The following EARS2 variants were observed in gnomAD, a reference collection of about 807,000 sequenced individuals.
EARS2 encodes nondiscriminating glutamyl-tRNA synthetase EARS2, mitochondrial.
EARS2 carries 50 observed loss-of-function variants against 54.1 expected under a neutral mutation model. That is an observed-to-expected ratio of 0.92 (90% CI 0.74 to 1.17). The LOEUF is 1.17. Among genes scored for constraint, EARS2 ranks in the 50% most tolerant of loss-of-function variants. The pLI is 0.00. For synonymous variants in EARS2, 298 were observed against 281.0 expected, an observed-to-expected ratio of 1.06 and a Z score of -0.61; for missense variants, 673 against 675.0, an observed-to-expected ratio of 1.00 and a Z score of 0.03.
chr16:23,534,998 C>G lies in EARS2; in HGVS notation c.848G>C (p.Ser283Thr), dbSNP rs937856191. The change falls in exon 4 of 9, where the codon AGC becomes ACC. Residue 283 changes from serine to threonine, a missense_variant. Coordinates refer to ENST00000449606, the MANE Select transcript of EARS2 (RefSeq NM_001083614.2). ...GTCCCCTTGCCTCTTGGAGAGCTTG[C>G]TGCCATCCCTGTTGAGGAGCAGGGG... The part of the protein sequence containing the change: ...HLPLLLNRDG[S>T]KLSKRQGDVF... 1.2e-6 allele frequency: 2 copies of G among 1,612,784 alleles called. No individual in the cohort carries two copies. The highest frequency in any genetic ancestry group is 1.3e-5 in the African/African-American group (1 of 75,034).
At chr16:23,529,465 G>C in intron 7 of EARS2, 37 bp downstream of exon 7, 2 of 1,602,312 alleles carry the variant, frequency 1.2e-6, no homozygotes, top group South Asian at 1.1e-5. Context: ...GAGGGAAGGA[G>C]GGTGTGGAAC....
chr16:23,535,327 C>T lies in EARS2; in HGVS notation c.519G>A (p.Glu173=), dbSNP rs764060793. 9 of 1,600,910 alleles carry T rather than the reference C, an allele frequency of 5.6e-6. No individual in the cohort carries two copies. In the African/African-American group the frequency reaches 1.1e-4, roughly 19 times the overall value. The change falls in exon 4 of 9, where the codon GAG becomes GAA. Residue 173 remains glutamate, a synonymous_variant. Transcript: ENST00000449606. ...YDNRCRNMSQ[E]QVAQKLAKDP... is the part of the protein sequence containing the mutation. ...CCTTGGCCAGCTTCTGGGCCACCTG[C>T]TCCTGGCTCATGTTCCTGCACCGAT...
At chr16:23,524,531 A>G in intron 8 of EARS2, 77 bp from the exon 9 acceptor site, 10 of 1,312,048 alleles carry the variant, frequency 7.6e-6, no homozygotes, top group Non-Finnish European at 1.1e-5. Flanking sequence ...TAGTCTGCAG[A>G]AATTATTCCC....
Position 23,523,862 on chromosome 16 carries a change from G to C in EARS2, c.*509C>G, listed in dbSNP as rs1965180493. The stretch of plus-strand genomic sequence containing the variant: ...TAGAGATGTGTGTGCATGGAGGGAA[G>C]ACCGCACAAGGACACAGTGAGAAGA... On this transcript the variant is annotated 3_prime_UTR_variant, in exon 9 of 9. Transcript: ENST00000449606. 6.5e-6 allele frequency: 1 copy of C among 154,500 alleles called. No individual in the cohort carries two copies. Among genetic ancestry groups the C allele is most frequent in the Admixed American group, 6.4e-5 (1 of 15,658 alleles). 9.6% of individuals were successfully genotyped at this position (154,500 alleles called of 1,614,324 possible). A position where few individuals can be genotyped will look rare whatever the true frequency, so the allele number is the denominator to read the frequency against.
intron 2 of EARS2, chr16:23,546,301 T>C: frequency 2.3e-6 from 1 of 430,908 alleles, no homozygotes; most frequent in Non-Finnish European, 4.7e-6. Context: ...TCAAAGGAAT[T>C]GGGAAGATAA....
At chr16:23,551,452 C>T (rs908706615) in intron 2 of EARS2, among the ~76,000 whole-genome samples, 3 of 151,854 alleles carry the variant, frequency 2.0e-5, no homozygotes, top group Non-Finnish European at 4.4e-5. Context: ...CTCATCTCTA[C>T]AAAAAAATTA....
At chr16:23,546,602 T>C (rs1312544402) in intron 2 of EARS2, among the ~76,000 whole-genome samples, 3 of 152,196 alleles carry the variant, frequency 2.0e-5, no homozygotes, top group African/African-American at 7.2e-5. Flanking sequence ...GTTGCCCAGG[T>C]TGGAGTGCAG....
Position 23,529,598 on chromosome 16 carries a change from G to A in EARS2, c.1256C>T (p.Pro419Leu). ...HICRLQDLVSPVYSYLWTRPA... is the reference protein window; with the variant it reads ...HICRLQDLVSLVYSYLWTRPA... ...GCGAGTCCACAGGTAAGAGTATACT[G>A]GGGACACCAAGTCCTGCAGGCGGCA... Residue 419 changes from proline to leucine, a missense_variant, in exon 7 of 9, where the codon CCA (proline) becomes CTA (leucine). Pro to Leu is a moderately conservative substitution (Grantham distance 98). Around this residue, in one of 3 missense-constraint regions of EARS2, gnomAD observed 338 missense variants for 361.2 expected, o/e 0.94. Coordinates refer to ENST00000449606, the MANE Select transcript of EARS2 (RefSeq NM_001083614.2). The A allele has an allele frequency of 3.1e-6, 5 of 1,614,150 alleles. No individual in the cohort carries two copies. The highest frequency in any genetic ancestry group is 4.2e-6 in the Non-Finnish European group (5 of 1,180,012).
chr16:23,526,753 G>A (rs1206161429), intron 7 of EARS2, among the ~76,000 whole-genome samples: 1 of 152,094 alleles, frequency 6.6e-6, no homozygotes, highest in Non-Finnish European at 1.5e-5. Context: ...ATTCCAGCGG[G>A]CCAGCAACCA....
At chr16:23,556,064 C>T (rs1965775347) in intron 1 of EARS2, among the ~76,000 whole-genome samples, 2 of 152,220 alleles carry the variant, frequency 1.3e-5, no homozygotes, top group African/African-American at 4.8e-5. Context: ...ACTTCCACAA[C>T]AGATGGTTTG....
intron 2 of EARS2, among the ~76,000 whole-genome samples, chr16:23,550,368 TAAA>T (rs770772133): frequency 5.4e-5 from 7 of 128,932 alleles, no homozygotes; most frequent in Admixed American, 1.6e-4. Context: ...TTTTGTTTGT[TAAA>T]AAAAAAAAAA....
At chr16:23,543,246 C>A (rs1338238655) in intron 3 of EARS2, among the ~76,000 whole-genome samples, 2 of 151,460 alleles carry the variant, frequency 1.3e-5, no homozygotes, top group Non-Finnish European at 2.9e-5. Context: ...TAGTGAGATC[C>A]CCATCTTTAT....
At chr16:23,537,794 C>CTTT (rs562913476) in intron 3 of EARS2, among the ~76,000 whole-genome samples, 9,508 of 137,344 alleles carry the variant, frequency 0.069, 631 homozygotes, top group African/African-American at 0.17. Context: ...CTTTTTCTTT[C>CTTT]TTTTTTTTTT....
intron 3 of EARS2, 67 bp from the exon 4 acceptor site, chr16:23,535,427 G>T: frequency 6.9e-7 from 1 of 1,457,472 alleles, no homozygotes; most frequent in Non-Finnish European, 9.3e-7. Flanking sequence ...TCCTACCTCT[G>T]TCATAGCTGT....
chr16:23,532,828 C>T, intron 4 of EARS2, 63 bp from the exon 5 acceptor site: 1 of 1,223,984 alleles, frequency 8.2e-7, no homozygotes, highest in East Asian at 2.4e-5. Context: ...CACTTTATCT[C>T]TTTTTTTTAA....
intron 1 of EARS2, 44 bp downstream of exon 1, chr16:23,557,161 G>T: frequency 6.7e-7 from 1 of 1,503,114 alleles, no homozygotes; most frequent in Non-Finnish European, 8.8e-7. Context: ...GGCGGAGACG[G>T]GACAGGGGGC....
chr16:23,534,157 T>A (rs7186974), intron 4 of EARS2, among the ~76,000 whole-genome samples: 3 of 152,090 alleles, frequency 2.0e-5, no homozygotes, highest in Non-Finnish European at 4.4e-5. Flanking sequence ...GGCATAGGCC[T>A]AAAGCGCTAT....
At chr16:23,531,118 C>T (rs1158032601) in intron 5 of EARS2, among the ~76,000 whole-genome samples, 3 of 149,510 alleles carry the variant, frequency 2.0e-5, no homozygotes, top group Admixed American at 1.3e-4. Context: ...AGGCTGATCT[C>T]GACTCCTGAC....
chr16:23,536,077 G>A (rs548721962), intron 3 of EARS2, among the ~76,000 whole-genome samples: 1 of 152,310 alleles, frequency 6.6e-6, no homozygotes, highest in African/African-American at 2.4e-5. Flanking sequence ...TGGGCCCCTA[G>A]CATCAGCCTC....
Sources: gnomAD v4.1 joint callset for allele counts (sites outside exome capture counted in the v4.1 genomes callset) on GRCh38, gnomAD v4.1.1 for gene constraint, gnomAD v4.1.1 regional missense constraint, MANE v1.5 for transcripts, NCBI Gene and HGNC (gene_info 2026-07-23, HGNC 2026-07-21) for gene names.